Variants in GNG4 observed in about 807,000 individuals in gnomAD.
GNG4 encodes guanine nucleotide-binding protein G(I)/G(S)/G(O) subunit gamma-4.
In GNG4, 4 loss-of-function variants were observed where a neutral mutation model predicts 5.8. The observed-to-expected ratio is 0.69, with a 90% CI of 0.34 to 1.57. The LOEUF is 1.57. GNG4 is among the 40% of genes most tolerant of loss of function. The pLI, the probability that GNG4 is intolerant of heterozygous loss-of-function variation, is 0.06. For missense variants in GNG4, 96 were observed against 95.1 expected (o/e 1.01, Z -0.04); for synonymous variants, 29 against 32.9 (o/e 0.88, Z 0.41).
chr1:235,551,998 T>G lies in GNG4; in HGVS notation c.*111A>C. The G allele has an allele frequency of 1.2e-6, 1 of 829,770 alleles. No individual in the cohort carries two copies. 51.4% of individuals were successfully genotyped at this position (829,770 alleles called of 1,614,324 possible). A position where few individuals can be genotyped will look rare whatever the true frequency, so the allele number is the denominator to read the frequency against. On this transcript the variant is annotated 3_prime_UTR_variant, in exon 4 of 4. Transcript: ENST00000391854. The stretch of plus-strand genomic sequence containing the variant: ...AACATAAGACAAGCCCCGGCCACTG[T>G]TGGCTGGGCAGGGATGGGTGTTGGT...
chr1:235,610,582 T>G (rs1294840656), intron 1 of GNG4, among the ~76,000 whole-genome samples: 1 of 152,244 alleles, frequency 6.6e-6, no homozygotes, highest in Non-Finnish European at 1.5e-5. Flanking sequence ...TTTTGATGTA[T>G]AAATTGTCCT....
At chr1:235,606,679 G>A (rs915961071) in intron 1 of GNG4, among the ~76,000 whole-genome samples, 1 of 152,196 alleles carries the variant, frequency 6.6e-6, no homozygotes, top group Non-Finnish European at 1.5e-5. Context: ...ATGGCCAGCA[G>A]ACAGGAGGAC....
At chr1:235,573,641 G>A (rs1687405561) in intron 3 of GNG4, among the ~76,000 whole-genome samples, 1 of 152,052 alleles carries the variant, frequency 6.6e-6, no homozygotes, top group Admixed American at 6.6e-5. Context: ...GCCGGGTGTG[G>A]TGGCGGGCGC....
chr1:235,590,465 AGGT>A (rs1045865361), intron 2 of GNG4, among the ~76,000 whole-genome samples: 1 of 152,098 alleles, frequency 6.6e-6, no homozygotes. Flanking sequence ...AAAAAAAAGA[AGGT>A]GGAGAGGTAA....
chr1:235,566,364 G>A (rs868067398), intron 3 of GNG4, among the ~76,000 whole-genome samples: 7 of 152,140 alleles, frequency 4.6e-5, no homozygotes, highest in Non-Finnish European at 7.3e-5. Flanking sequence ...CCATAGGAGC[G>A]TGAACCCTAT....
intron 3 of GNG4, among the ~76,000 whole-genome samples, chr1:235,569,781 G>A (rs987486249): frequency 1.3e-5 from 2 of 152,068 alleles, no homozygotes; most frequent in Non-Finnish European, 2.9e-5. Context: ...GGCCAGGCTG[G>A]TCTCGAACTC....
At chr1:235,561,378 C>T (rs1413379461) in intron 3 of GNG4, among the ~76,000 whole-genome samples, 1 of 151,926 alleles carries the variant, frequency 6.6e-6, no homozygotes, top group African/African-American at 2.4e-5. Flanking sequence ...CTCTCTCTTG[C>T]TCTCTTGCAC....
chr1:235,613,175 A>G (rs1688517491), intron 1 of GNG4, among the ~76,000 whole-genome samples: 1 of 152,208 alleles, frequency 6.6e-6, no homozygotes, highest in Non-Finnish European at 1.5e-5. Flanking sequence ...AGTTCAAAGC[A>G]TGGCGTCTAC....
At chr1:235,637,014 C>T (rs182704508) in intron 1 of GNG4, among the ~76,000 whole-genome samples, 2 of 151,494 alleles carry the variant, frequency 1.3e-5, no homozygotes, top group East Asian at 2.0e-4. Flanking sequence ...ATCCCTGCCT[C>T]CCCACTGCAC....
intron 1 of GNG4, among the ~76,000 whole-genome samples, chr1:235,618,477 G>A (rs1186964940): frequency 1.3e-5 from 2 of 152,024 alleles, no homozygotes; most frequent in Non-Finnish European, 2.9e-5. Flanking sequence ...TGTGTGAATC[G>A]ATTTATTACT....
intron 1 of GNG4, among the ~76,000 whole-genome samples, chr1:235,602,812 G>A (rs367748578): frequency 2.2e-4 from 33 of 152,246 alleles, no homozygotes; most frequent in Non-Finnish European, 3.4e-4. Context: ...TTCTCCTAGC[G>A]TTCATCGTGA....
intron 1 of GNG4, among the ~76,000 whole-genome samples, chr1:235,628,105 G>T (rs1423132517): frequency 6.6e-6 from 1 of 152,088 alleles, no homozygotes; most frequent in African/African-American, 2.4e-5. Context: ...GCTTGAACCC[G>T]GGAGGTGGAG....
At chr1:235,589,462 G>C (rs1687906236) in intron 2 of GNG4, among the ~76,000 whole-genome samples, 1 of 152,186 alleles carries the variant, frequency 6.6e-6, no homozygotes, top group Non-Finnish European at 1.5e-5. Context: ...GCTGGTATGA[G>C]TCAGCTGCTG....
chr1:235,647,793 C>T (rs562311025), intron 1 of GNG4, among the ~76,000 whole-genome samples: 19 of 152,298 alleles, frequency 1.2e-4, no homozygotes, highest in Middle Eastern at 3.4e-3. Flanking sequence ...CACCACCACG[C>T]CCGCCTAATT....
intron 1 of GNG4, among the ~76,000 whole-genome samples, chr1:235,635,704 T>C (rs961407064): frequency 6.6e-6 from 1 of 151,612 alleles, no homozygotes; most frequent in Non-Finnish European, 1.5e-5. Context: ...CAAAACCAAC[T>C]AATACATGGC....
intron 3 of GNG4, among the ~76,000 whole-genome samples, chr1:235,570,919 T>TATACACAC (rs1553365402): frequency 7.4e-5 from 9 of 121,442 alleles, no homozygotes; most frequent in Admixed American, 2.6e-4. Flanking sequence ...TATACATATA[T>TATACACAC]ATATACACAC....
intron 1 of GNG4, among the ~76,000 whole-genome samples, chr1:235,622,903 G>C (rs987120439): frequency 1.4e-5 from 2 of 138,112 alleles, no homozygotes; most frequent in African/African-American, 3.0e-5. Context: ...AGCCAGGCGT[G>C]ATGGTGCATG....
At chr1:235,586,516 C>T (rs1687763347) in intron 2 of GNG4, among the ~76,000 whole-genome samples, 1 of 152,152 alleles carries the variant, frequency 6.6e-6, no homozygotes, top group African/African-American at 2.4e-5. Flanking sequence ...GATGTTTGTT[C>T]CCTCCAAATC....
chr1:235,606,865 G>A (rs1271134518), intron 1 of GNG4, among the ~76,000 whole-genome samples: 1 of 151,908 alleles, frequency 6.6e-6, no homozygotes, highest in Non-Finnish European at 1.5e-5. Context: ...GGGGCGAGCA[G>A]AGGAAGGAAG....
Sources: allele counts gnomAD v4.1 joint callset (sites outside exome capture counted in the v4.1 genomes callset), GRCh38; gene constraint gnomAD v4.1.1; transcripts MANE v1.5; gene names NCBI Gene and HGNC (gene_info 2026-07-23, HGNC 2026-07-21).